HTR1F: variants seen among roughly 807,000 people sequenced by gnomAD.
HTR1F encodes the protein 5-hydroxytryptamine (serotonin) receptor 1F, G protein-coupled.
Under a neutral mutation model 24.0 loss-of-function variants are expected in HTR1F, and 17 were observed. That is an observed-to-expected ratio of 0.71 (90% CI 0.48 to 1.06). The LOEUF (loss-of-function observed/expected upper bound fraction) is 1.06, where lower values mean the gene tolerates loss of function less well. Among genes scored for constraint, HTR1F ranks in the 50% least tolerant of loss-of-function variants. HTR1F has a pLI of 0.00. For synonymous variants in HTR1F, 186 were observed against 156.8 expected (o/e 1.19, Z -1.39); for missense variants, 391 against 427.8 (o/e 0.91, Z 0.76).
At chr3:87,884,420 G>A (rs903679559) in intron 2 of HTR1F, among the ~76,000 whole-genome samples, 7 of 152,160 alleles carry the variant, frequency 4.6e-5, no homozygotes, top group Non-Finnish European at 1.0e-4. Context: ...GACCATCAAT[G>A]CTAGGAAGGA....
intron 2 of HTR1F, among the ~76,000 whole-genome samples, chr3:87,851,931 C>CT (rs1705095476): frequency 1.4e-5 from 2 of 146,206 alleles, no homozygotes; most frequent in Admixed American, 1.4e-4. Flanking sequence ...GTTTAATTTA[C>CT]TTTGCTATTT....
At chr3:87,907,924 A>G (rs1703701361) in intron 2 of HTR1F, among the ~76,000 whole-genome samples, 1 of 152,042 alleles carries the variant, frequency 6.6e-6, no homozygotes, top group Non-Finnish European at 1.5e-5. Flanking sequence ...AAATTAGTAT[A>G]AGTTTCTGTC....
At chr3:87,919,700 TAAAA>T (rs1056928570) in intron 2 of HTR1F, among the ~76,000 whole-genome samples, 1 of 151,928 alleles carries the variant, frequency 6.6e-6, no homozygotes, top group Non-Finnish European at 1.5e-5. Context: ...ATGGCCATAA[TAAAA>T]AAATCAGCAA....
intron 2 of HTR1F, among the ~76,000 whole-genome samples, chr3:87,976,499 T>TA (rs929400013): frequency 4.6e-5 from 7 of 151,902 alleles, no homozygotes; most frequent in African/African-American, 7.3e-5. Context: ...CCCCATCTCT[T>TA]AAAAAAAACT....
chr3:87,985,054 G>A (rs1705632233), intron 2 of HTR1F, among the ~76,000 whole-genome samples: 1 of 151,964 alleles, frequency 6.6e-6, no homozygotes, highest in African/African-American at 2.4e-5. Context: ...GTTACTTGAG[G>A]GCTGGGCACA....
chr3:87,848,684 A>G (rs1015016547), intron 2 of HTR1F, among the ~76,000 whole-genome samples: 1 of 151,870 alleles, frequency 6.6e-6, no homozygotes, highest in Non-Finnish European at 1.5e-5. Flanking sequence ...TTTGCAGATG[A>G]CATGATTGTG....
In HTR1F at chr3:87,929,706, T is replaced by A. The variant is rs144381349; in HGVS notation, c.-42-61002T>A. Among the ~76,000 whole-genome samples the A allele has an allele frequency of 4.9e-3, 749 of 152,320 alleles. 8 individuals are homozygous for A. The highest frequency in any genetic ancestry group is 0.017 in the African/African-American group (694 of 41,582). ...CATGCTGTTTTGGTTACTGTAGCCT[T>A]GTAAGATAGTTTGATATCAGGTAAC... On this transcript the variant is annotated intron_variant, in intron 2 of 2. Transcript: ENST00000319595.
intron 2 of HTR1F, among the ~76,000 whole-genome samples, chr3:87,845,067 T>C (rs932349462): frequency 2.0e-5 from 3 of 151,710 alleles, no homozygotes; most frequent in Non-Finnish European, 4.4e-5. Flanking sequence ...AAATTAGGTA[T>C]TGATGGGACA....
At chr3:87,944,926 A>G (rs1704658116) in intron 2 of HTR1F, among the ~76,000 whole-genome samples, 1 of 152,212 alleles carries the variant, frequency 6.6e-6, no homozygotes, top group Non-Finnish European at 1.5e-5. Flanking sequence ...ACAAGGTAGT[A>G]TTGGAGTGTT....
At chr3:87,895,187 T>C (rs762092759) in intron 2 of HTR1F, among the ~76,000 whole-genome samples, 16 of 152,172 alleles carry the variant, frequency 1.1e-4, no homozygotes, top group Non-Finnish European at 7.4e-5. Context: ...TCTCTCTTAA[T>C]AGCATGAAGT....
intron 2 of HTR1F, among the ~76,000 whole-genome samples, chr3:87,939,037 T>C (rs1001922950): frequency 6.6e-6 from 1 of 152,164 alleles, no homozygotes; most frequent in East Asian, 1.9e-4. Context: ...CTGACAAAGA[T>C]CTAATATCCA....
chr3:87,853,041 G>T (rs1172041562), intron 2 of HTR1F, among the ~76,000 whole-genome samples: 1 of 148,926 alleles, frequency 6.7e-6, no homozygotes, highest in Non-Finnish European at 1.5e-5. Context: ...AATTCCTCTC[G>T]ATAGATTTTA....
chr3:87,849,156 C>A (rs1036104287), intron 2 of HTR1F, among the ~76,000 whole-genome samples: 1 of 150,938 alleles, frequency 6.6e-6, no homozygotes, highest in Non-Finnish European at 1.5e-5. Flanking sequence ...CCAAGTCAAT[C>A]CAAAGCCAAA....
intron 2 of HTR1F, among the ~76,000 whole-genome samples, chr3:87,927,773 G>T (rs1402139883): frequency 6.6e-6 from 1 of 152,044 alleles, no homozygotes; most frequent in Non-Finnish European, 1.5e-5. Flanking sequence ...AAAGCATAGT[G>T]CTAGTTACTG....
chr3:87,827,529 T>C (rs1424605847), intron 2 of HTR1F, among the ~76,000 whole-genome samples: 3 of 152,240 alleles, frequency 2.0e-5, no homozygotes, highest in Non-Finnish European at 4.4e-5. Flanking sequence ...AACTGCAGTA[T>C]GTATGCTTCT....
At chr3:87,870,033 T>C (rs1354302779) in intron 2 of HTR1F, among the ~76,000 whole-genome samples, 1 of 152,112 alleles carries the variant, frequency 6.6e-6, no homozygotes. Context: ...CAATGATTGC[T>C]ACATATAAAA....
At chr3:87,889,470 A>G (rs976961981) in intron 2 of HTR1F, among the ~76,000 whole-genome samples, 22 of 152,144 alleles carry the variant, frequency 1.4e-4, no homozygotes, top group Non-Finnish European at 3.1e-4. Flanking sequence ...CTAAAACACA[A>G]AAGATCTAAT....
At chr3:87,900,577 G>A (rs1706298944) in intron 2 of HTR1F, among the ~76,000 whole-genome samples, 1 of 152,176 alleles carries the variant, frequency 6.6e-6, no homozygotes, top group Non-Finnish European at 1.5e-5. Context: ...GAAAAAATGA[G>A]CAGAATATAA....
chr3:87,835,246 T>C (rs980307045), intron 2 of HTR1F, among the ~76,000 whole-genome samples: 33 of 152,076 alleles, frequency 2.2e-4, no homozygotes, highest in Non-Finnish European at 2.9e-5. Context: ...GGAAAATGCC[T>C]GGCAATGGCA....
Sources: gnomAD v4.1 joint callset for allele counts (sites outside exome capture counted in the v4.1 genomes callset) on GRCh38, gnomAD v4.1.1 for gene constraint, MANE v1.5 for transcripts, NCBI Gene and HGNC (gene_info 2026-07-23, HGNC 2026-07-21) for gene names.